ZNF827: variants seen among roughly 807,000 people sequenced by gnomAD.
ZNF827 encodes zinc finger protein 827.
A neutral mutation model predicts 102.4 loss-of-function variants in ZNF827; 13 were observed. That is an observed-to-expected ratio of 0.13 (90% confidence interval 0.08 to 0.20). The LOEUF (loss-of-function observed/expected upper bound fraction) is 0.20. ZNF827 is among the 10% of genes least tolerant of loss of function. The probability of loss-of-function intolerance (pLI) is 1.00; values close to 1 mark genes in which losing one functional copy is unlikely to be tolerated. For missense variants in ZNF827, 1,103 were observed against 1,344.4 expected, an observed-to-expected ratio of 0.82 and a Z score of 2.81; for synonymous variants, 523 against 536.2, an observed-to-expected ratio of 0.98 and a Z score of 0.34.
Position 145,763,922 on chromosome 4 carries a change from C to G in ZNF827, c.3231-800G>C, listed in dbSNP as rs1313793785. ...GAGGTCCTGTTGTTCCCTGACTCTT[C>G]TATGTGGGGGAGTTTTTGAGGAGGC... On this transcript the variant is annotated intron_variant, in intron 13 of 14. Coordinates refer to ENST00000508784, the MANE Select transcript of ZNF827 (RefSeq NM_001306215.2). The surrounding 1 kb of genome is among the most constrained non-coding windows in gnomAD (Gnocchi z 4.6). Among the ~76,000 whole-genome samples the G allele has an allele frequency of 6.6e-6, 1 of 151,722 alleles. No individual in the cohort carries two copies. The highest frequency in any genetic ancestry group is 2.4e-5 in the African/African-American group (1 of 41,272).
At chr4:145,923,109 G>T (rs1753192274) in intron 1 of ZNF827, among the ~76,000 whole-genome samples, 2 of 152,156 alleles carry the variant, frequency 1.3e-5, no homozygotes, top group Non-Finnish European at 2.9e-5. Context: ...CAAAGCACAA[G>T]AGAGACCAGT....
chr4:145,861,141 G>A (rs1747689601), intron 5 of ZNF827, among the ~76,000 whole-genome samples: 2 of 152,202 alleles, frequency 1.3e-5, no homozygotes, highest in East Asian at 3.8e-4. Flanking sequence ...CCATATTCAT[G>A]CGATTTAATT....
Position 145,775,825 on chromosome 4 carries a change from T to C in ZNF827, c.2657A>G (p.Glu886Gly), listed in dbSNP as rs1347746101. 1 of 1,614,036 alleles carries C rather than the reference T, an allele frequency of 6.2e-7. No individual in the cohort carries two copies. Among genetic ancestry groups the C allele is most frequent in the African/African-American group, 1.3e-5 (1 of 74,894 alleles). The change falls in exon 10 of 15, where the codon GAA becomes GGA. Residue 886 changes from glutamate (E) to glycine (G), a missense_variant. By Grantham distance (98) the Glu-to-Gly change is moderately conservative. Coordinates refer to ENST00000508784, the MANE Select transcript of ZNF827 (RefSeq NM_001306215.2). ...AGGATGTTTCTTCCCATCACTGCCT[T>C]CAGAGGTGACGGCGCTGACAATGTC... ...TEDIVSAVTS[E>G]GSDGKKHPYY...
chr4:145,932,574 G>A (rs1409039642), intron 1 of ZNF827, among the ~76,000 whole-genome samples: 1 of 151,158 alleles, frequency 6.6e-6, no homozygotes, highest in Non-Finnish European at 1.5e-5. Context: ...TCCCGGGTTC[G>A]CGCCATTCTC....
At chr4:145,877,779 G>C (rs905066108) in intron 4 of ZNF827, among the ~76,000 whole-genome samples, 2 of 152,088 alleles carry the variant, frequency 1.3e-5, no homozygotes, top group Non-Finnish European at 2.9e-5. Context: ...ACCCACAAAG[G>C]GCAAAAGTTG....
In ZNF827 at chr4:145,833,831, C is replaced by T. The variant is rs143921440; in HGVS notation, c.2280-10306G>A. Among the ~76,000 whole-genome samples the T allele has an allele frequency of 0.013, 2,028 of 151,672 alleles. 161 individuals are homozygous for T. In the East Asian group the frequency reaches 0.21, roughly 16 times the overall value. Reference sequence around the variant, plus strand: ...TCCATGCCCCGACCTCTTATTTCTGCGCCCCATCCCTTATTTCCATGCCCT... The same window carrying T: ...TCCATGCCCCGACCTCTTATTTCTGTGCCCCATCCCTTATTTCCATGCCCT... On this transcript the variant is annotated intron_variant, in intron 7 of 14. Transcript: ENST00000508784.
chr4:145,832,381 T>C (rs1302766432), intron 7 of ZNF827: 1 of 151,116 alleles, frequency 6.6e-6, no homozygotes, highest in Non-Finnish European at 1.5e-5. Context: ...TTAAGAGCAC[T>C]AGGAATCAAT....
chr4:145,874,619 T>C (rs1421692123), intron 4 of ZNF827, among the ~76,000 whole-genome samples: 4 of 152,222 alleles, frequency 2.6e-5, no homozygotes, highest in East Asian at 1.9e-4. Flanking sequence ...TTCTTTTTCT[T>C]TGGGGAAATT....
At position 145,763,487 on chromosome 4, in the gene ZNF827, TTAGCACCGCACGG is replaced by T. The variant is rs1734827825; in HGVS notation, c.3231-378_3231-366del. On this transcript the variant is annotated intron_variant, in intron 13 of 14. Coordinates refer to ENST00000508784, the MANE Select transcript of ZNF827 (RefSeq NM_001306215.2). The surrounding 1 kb of genome is among the most constrained non-coding windows in gnomAD (Gnocchi z 4.6). Reference sequence around the variant, plus strand: ...ACATAAACTATTACACAGGGGACGGTTAGCACCGCACGGGAAGTGTCTGTACCAGCAAAAGCAT... The same window carrying T: ...ACATAAACTATTACACAGGGGACGGTGAAGTGTCTGTACCAGCAAAAGCAT... Among the ~76,000 whole-genome samples, 1 of 152,250 alleles carries T rather than the reference TTAGCACCGCACGG, an allele frequency of 6.6e-6. No individual in the cohort carries two copies. Among genetic ancestry groups the T allele is most frequent in the South Asian group, 2.1e-4 (1 of 4,836 alleles).
At chr4:145,838,500 T>A (rs542731481) in intron 7 of ZNF827, among the ~76,000 whole-genome samples, 1 of 152,202 alleles carries the variant, frequency 6.6e-6, no homozygotes, top group Non-Finnish European at 1.5e-5. Flanking sequence ...GGGACGCGCA[T>A]GAAAAGTCAT....
intron 8 of ZNF827, among the ~76,000 whole-genome samples, chr4:145,795,081 T>G (rs1390783246): frequency 2.6e-5 from 4 of 152,192 alleles, no homozygotes; most frequent in African/African-American, 7.2e-5. Context: ...TCGAGATCCA[T>G]GTACTGGGGG....
intron 1 of ZNF827, among the ~76,000 whole-genome samples, chr4:145,918,142 G>A (rs1280689470): frequency 6.6e-6 from 1 of 151,824 alleles, no homozygotes; most frequent in African/African-American, 2.4e-5. Context: ...CAACTAATCA[G>A]GCTTTGTTTT....
chr4:145,899,172 A>C (rs559350475), intron 2 of ZNF827, among the ~76,000 whole-genome samples: 7 of 152,368 alleles, frequency 4.6e-5, no homozygotes, highest in Admixed American at 2.0e-4. Context: ...GGAAAGAATA[A>C]TAATGACAAA....
intron 3 of ZNF827, among the ~76,000 whole-genome samples, chr4:145,891,656 C>G (rs1383979989): frequency 6.6e-6 from 1 of 152,194 alleles, no homozygotes; most frequent in Non-Finnish European, 1.5e-5. Context: ...ACAATGACAG[C>G]CTCAATGAGG....
chr4:145,763,760 C>G lies in ZNF827; in HGVS notation c.3231-638G>C, dbSNP rs951354474. On this transcript the variant is annotated intron_variant, in intron 13 of 14. Transcript: ENST00000508784. The surrounding 1 kb of genome is among the most constrained non-coding windows in gnomAD (Gnocchi z 4.6). ...TTTATAAAGGGACAGTGGGAACAAA[C>G]CAAATCAAATCCCCAAATAAGCTCT... Among the ~76,000 whole-genome samples the G allele has an allele frequency of 6.6e-6, 1 of 152,164 alleles. No individual in the cohort carries two copies. Among genetic ancestry groups the G allele is most frequent in the Non-Finnish European group, 1.5e-5 (1 of 68,026 alleles).
At chr4:145,920,631 G>C (rs561837057) in intron 1 of ZNF827, among the ~76,000 whole-genome samples, 8 of 152,202 alleles carry the variant, frequency 5.3e-5, no homozygotes, top group Non-Finnish European at 1.0e-4. Flanking sequence ...TTTGAAAGAG[G>C]AAGACAGCAG....
At chr4:145,854,701 A>G (rs1317958522) in intron 5 of ZNF827, among the ~76,000 whole-genome samples, 1 of 152,168 alleles carries the variant, frequency 6.6e-6, no homozygotes, top group Admixed American at 6.5e-5. Flanking sequence ...TCCTTGTCTT[A>G]TCTTTTGTTA....
chr4:145,915,784 C>T (rs1752625433), intron 1 of ZNF827, among the ~76,000 whole-genome samples: 1 of 152,164 alleles, frequency 6.6e-6, no homozygotes, highest in Non-Finnish European at 1.5e-5. Context: ...ACTCAAGGTA[C>T]AATTCATCCT....
chr4:145,931,696 C>T (rs932410801), intron 1 of ZNF827, among the ~76,000 whole-genome samples: 1 of 152,130 alleles, frequency 6.6e-6, no homozygotes, highest in Non-Finnish European at 1.5e-5. Flanking sequence ...CTTGTCCTGT[C>T]CTAATACTAC....
Sources: allele counts gnomAD v4.1 joint callset (sites outside exome capture counted in the v4.1 genomes callset), GRCh38; gene constraint gnomAD v4.1.1; non-coding constraint Gnocchi (gnomAD v3.1); transcripts MANE v1.5; gene names NCBI Gene and HGNC (gene_info 2026-07-23, HGNC 2026-07-21).